The following GAPT variants were observed in gnomAD, a reference collection of about 807,000 sequenced individuals.
The protein encoded by GAPT is protein GAPT.
For synonymous variants in GAPT, 82 were observed against 69.7 expected, an observed-to-expected ratio of 1.18 and a Z score of -0.88; for missense variants, 206 against 189.2, an observed-to-expected ratio of 1.09 and a Z score of -0.52.
rs757004472 is a variant in GAPT at position 58,494,987 on chromosome 5, T to G, written c.451T>G (p.Tyr151Asp). The change falls in exon 3 of 3, where the codon TAC becomes GAC. Residue 151 changes from tyrosine to aspartate, a missense_variant. By Grantham distance (160) the Tyr-to-Asp change is radical. Coordinates refer to ENST00000502276, the MANE Select transcript of GAPT (RefSeq NM_001304431.2). ...TGAAGTTCCTCAAGATGAAGATATA[T>G]ACATTCTTCCAGATTCATATTAGCT... The part of the protein sequence containing the change: ...PSEVPQDEDI[Y>D]ILPDSY 1 of 1,600,158 alleles carries G rather than the reference T, an allele frequency of 6.2e-7. No homozygotes were observed. The highest frequency in any genetic ancestry group is 8.6e-7 in the Non-Finnish European group (1 of 1,169,118).
chr5:58,495,071 C>G lies in GAPT; in HGVS notation c.*61C>G. 3.7e-6 allele frequency: 4 copies of G among 1,074,724 alleles called. No individual in the cohort carries two copies. The highest frequency in any genetic ancestry group is 5.4e-6 in the Non-Finnish European group (4 of 739,000). The allele number at this position is 1,074,724 out of a possible 1,614,324, so 66.6% of individuals were successfully genotyped here. A position where few individuals can be genotyped will look rare whatever the true frequency, so the allele number is the denominator to read the frequency against. The stretch of plus-strand genomic sequence containing the variant: ...AATATTCACTGTAATTTTTCAACAG[C>G]AAAGACAAGGAATCAAACTAAATGT... On this transcript the variant is annotated 3_prime_UTR_variant, in exon 3 of 3. Coordinates refer to ENST00000502276, the MANE Select transcript of GAPT (RefSeq NM_001304431.2).
Position 58,495,138 on chromosome 5 carries a change from C to T in GAPT, c.*128C>T. 1 of 629,832 alleles carries T rather than the reference C, an allele frequency of 1.6e-6. No homozygotes were observed. The highest frequency in any genetic ancestry group is 2.7e-5 in the East Asian group (1 of 36,622). The allele number at this position is 629,832 out of a possible 1,614,324, so 39.0% of individuals were successfully genotyped here. On this transcript the variant is annotated 3_prime_UTR_variant, in exon 3 of 3. Coordinates refer to ENST00000502276, the MANE Select transcript of GAPT (RefSeq NM_001304431.2). The stretch of plus-strand genomic sequence containing the variant: ...GGATAAAGAAAATGTGGTACACATA[C>T]ACCATAGAATATTATGCAGCCGTAA...
chr5:58,491,703 A>G (rs2111760533), intron 1 of GAPT, among the ~76,000 whole-genome samples, 162 bp downstream of exon 1: 1 of 152,286 alleles, frequency 6.6e-6, no homozygotes, highest in Middle Eastern at 3.4e-3. Context: ...GAGTGATGTT[A>G]ATGTTTCTTT....
At chr5:58,492,375 G>C (rs766756436) in intron 1 of GAPT, among the ~76,000 whole-genome samples, 13 of 152,128 alleles carry the variant, frequency 8.5e-5, no homozygotes, top group Non-Finnish European at 1.8e-4. Context: ...ATATCTTGCA[G>C]ATAATTGGTG....
chr5:58,494,882 G>T lies in GAPT; in HGVS notation c.346G>T (p.Gly116Trp). 1 of 1,613,878 alleles carries T rather than the reference G, an allele frequency of 6.2e-7. No individual in the cohort carries two copies. Among genetic ancestry groups the T allele is most frequent in the Non-Finnish European group, 8.5e-7 (1 of 1,179,840 alleles). Residue 116 changes from glycine (G) to tryptophan (W), a missense_variant, in exon 3 of 3, where the codon GGG (glycine) becomes TGG (tryptophan). Coordinates refer to ENST00000502276, the MANE Select transcript of GAPT (RefSeq NM_001304431.2). ...KTDKELYENT[G>W]QSNFEEHIYG... is the part of the protein sequence containing the mutation. ...CGATAAGGAACTATATGAAAACACAGGGCAGTCTAATTTCGAGGAGCATAT... is the reference window on the plus strand; with the variant it reads ...CGATAAGGAACTATATGAAAACACATGGCAGTCTAATTTCGAGGAGCATAT...
Position 58,496,735 on chromosome 5 carries a change from A to G in GAPT, c.*1725A>G, listed in dbSNP as rs1298738635. 6.0e-6 allele frequency: 1 copy of G among 167,124 alleles called. No homozygotes were observed. The highest frequency in any genetic ancestry group is 2.1e-4 in the South Asian group (1 of 4,822). 10.4% of individuals were successfully genotyped at this position (167,124 alleles called of 1,614,324 possible). Reference sequence around the variant, plus strand: ...GTTGCCCCCGCAGGAATTTATTGCCATGTGGTTTACTCCAGCATCACTGGT... The same window carrying G: ...GTTGCCCCCGCAGGAATTTATTGCCGTGTGGTTTACTCCAGCATCACTGGT... On this transcript the variant is annotated 3_prime_UTR_variant, in exon 3 of 3. Coordinates refer to ENST00000502276, the MANE Select transcript of GAPT (RefSeq NM_001304431.2).
rs1579984000 is a variant in GAPT, at chr5:58,495,142, A to G, written c.*132A>G. The G allele has an allele frequency of 3.3e-6, 2 of 610,226 alleles. No individual in the cohort carries two copies. Among genetic ancestry groups the G allele is most frequent in the Admixed American group, 3.0e-5 (1 of 32,882 alleles). 37.8% of individuals were successfully genotyped at this position (610,226 alleles called of 1,614,324 possible). A position where few individuals can be genotyped will look rare whatever the true frequency, so the allele number is the denominator to read the frequency against. Reference sequence around the variant, plus strand: ...AAAGAAAATGTGGTACACATACACCATAGAATATTATGCAGCCGTAAAAAA... The same window carrying G: ...AAAGAAAATGTGGTACACATACACCGTAGAATATTATGCAGCCGTAAAAAA... On this transcript the variant is annotated 3_prime_UTR_variant, in exon 3 of 3. Coordinates refer to ENST00000502276, the MANE Select transcript of GAPT (RefSeq NM_001304431.2).
chr5:58,494,778 A>G lies in GAPT; in HGVS notation c.242A>G (p.Lys81Arg). ...HEISVETQDH[K>R]SAVRGNNTHD... ...ATCTCAGTTGAAACCCAAGACCACA[A>G]ATCTGCTGTCAGGGGAAATAACACA... Residue 81 changes from lysine to arginine, a missense_variant, in exon 3 of 3, where the codon AAA (lysine) becomes AGA (arginine). Coordinates refer to ENST00000502276, the MANE Select transcript of GAPT (RefSeq NM_001304431.2). 1 of 1,613,994 alleles carries G rather than the reference A, an allele frequency of 6.2e-7. No individual in the cohort carries two copies. Among genetic ancestry groups the G allele is most frequent in the Non-Finnish European group, 8.5e-7 (1 of 1,179,946 alleles).
Sources: allele counts gnomAD v4.1 joint callset (sites outside exome capture counted in the v4.1 genomes callset), GRCh38; gene constraint gnomAD v4.1.1; transcripts MANE v1.5; gene names NCBI Gene and HGNC (gene_info 2026-07-23, HGNC 2026-07-21).